The following MINK1 variants were observed in gnomAD, a reference collection of about 807,000 sequenced individuals.
MINK1 encodes the protein misshapen like kinase 1.
A neutral mutation model predicts 178.4 loss-of-function variants in MINK1; 46 were observed. The ratio of observed to expected loss-of-function variants is 0.26; its 90% CI spans 0.20 to 0.33. The LOEUF is 0.33. MINK1 is among the 10% of genes least tolerant of loss of function. The probability of loss-of-function intolerance (pLI) is 1.00; values close to 1 mark genes in which losing one functional copy is unlikely to be tolerated. For synonymous variants in MINK1, 797 were observed against 709.7 expected (o/e 1.12, Z -1.96); for missense variants, 1,366 against 1,814.9 (o/e 0.75, Z 4.49).
intron 12 of MINK1, 42 bp from the exon 13 acceptor site, chr17:4,889,604 GA>G: frequency 6.6e-7 from 1 of 1,504,726 alleles, no homozygotes; most frequent in African/African-American, 1.4e-5. Flanking sequence ...GTGCTGACGC[GA>G]TGTCCGGTAT....
In MINK1 at chr17:4,895,341, C is replaced by T. The variant is rs1250422006; in HGVS notation, c.3086-9C>T. On this transcript the variant is annotated splice_polypyrimidine_tract_variant and intron_variant, in intron 25 of 31. Coordinates refer to ENST00000355280, the MANE Select transcript of MINK1 (RefSeq NM_153827.5). The surrounding 1 kb of genome is among the most constrained non-coding windows in gnomAD (Gnocchi z 4.3). ...GAGCCTCTGACCTGCCCAAGGGCTC[C>T]TGTTGCAGGGGTCAACCTGCTGGTG... is the stretch of plus-strand genomic sequence containing the variant. The T allele has an allele frequency of 6.2e-7, 1 of 1,603,132 alleles. No individual in the cohort carries two copies. The highest frequency in any genetic ancestry group is 8.5e-7 in the Non-Finnish European group (1 of 1,173,392).
chr17:4,878,408 A>C, intron 2 of MINK1, 26 bp downstream of exon 2: 1 of 1,531,950 alleles, frequency 6.5e-7, no homozygotes, highest in Non-Finnish European at 8.8e-7. Flanking sequence ...TGGAAGTATG[A>C]CCTCCACATC....
At chr17:4,865,280 A>G (rs1914769960) in intron 1 of MINK1, among the ~76,000 whole-genome samples, 1 of 151,600 alleles carries the variant, frequency 6.6e-6, no homozygotes, top group African/African-American at 2.4e-5. Flanking sequence ...AAAACACACA[A>G]AAAATTAGCC....
At chr17:4,846,669 A>G (rs1911079160) in intron 1 of MINK1, among the ~76,000 whole-genome samples, 1 of 152,182 alleles carries the variant, frequency 6.6e-6, no homozygotes, top group Non-Finnish European at 1.5e-5. Context: ...TCTATGGGCC[A>G]TCTTATTATG....
rs1314375910 is a variant in MINK1 at position 4,886,590 on chromosome 17, C to T, written c.913C>T (p.His305Tyr). 2 of 1,607,800 alleles carry T rather than the reference C, an allele frequency of 1.2e-6. No individual in the cohort carries two copies. The highest frequency in any genetic ancestry group is 1.7e-6 in the Non-Finnish European group (2 of 1,176,892). Residue 305 changes from histidine (H) to tyrosine (Y), a missense_variant, in exon 10 of 32, where the codon CAC becomes TAC. By Grantham distance (83) the His-to-Tyr change is moderately conservative. Transcript: ENST00000355280. The surrounding 1 kb of genome is among the most constrained non-coding windows in gnomAD (Gnocchi z 6.1). Reference sequence around the variant, plus strand: ...GCAGGTCCGCATCCAGCTTAAGGACCACATTGACCGATCCCGGAAGAAGCG... The same window carrying T: ...GCAGGTCCGCATCCAGCTTAAGGACTACATTGACCGATCCCGGAAGAAGCG... ...ERQVRIQLKD[H>Y]IDRSRKKRGE... is the part of the protein sequence containing the mutation.
chr17:4,872,510 C>T (rs555121369), intron 1 of MINK1, among the ~76,000 whole-genome samples: 6 of 151,984 alleles, frequency 3.9e-5, no homozygotes, highest in African/African-American at 7.2e-5. Context: ...CAGTGGCTCA[C>T]GCCTGTAATC....
intron 1 of MINK1, chr17:4,854,787 G>T (rs373990044): frequency 2.0e-6 from 1 of 491,886 alleles, no homozygotes; most frequent in Non-Finnish European, 4.1e-6. Flanking sequence ...AGTACTTCAC[G>T]TTGTGGATTC....
intron 31 of MINK1, 81 bp from the exon 32 acceptor site, chr17:4,897,123 C>T (rs1969614026): frequency 1.6e-6 from 2 of 1,219,860 alleles, no homozygotes; most frequent in African/African-American, 1.5e-5. Flanking sequence ...TCTGCCACCC[C>T]TTCTTCCCTT....
Position 4,895,771 on chromosome 17 carries a change from G to A in MINK1, c.3303G>A (p.Val1101=), listed in dbSNP as rs749667395. ...RNKILHNDPE[V]EKKQGWTTVG... ...AGATTCTGCACAATGACCCAGAAGT[G>A]GAGAAGAAGCAGGGCTGGACCACCG... is the stretch of plus-strand genomic sequence containing the variant. The change falls in exon 27 of 32, where the codon GTG becomes GTA. Residue 1101 remains valine, a synonymous_variant. Transcript: ENST00000355280. The surrounding 1 kb of genome is among the most constrained non-coding windows in gnomAD (Gnocchi z 4.3). 1.9e-6 allele frequency: 3 copies of A among 1,613,848 alleles called. No homozygotes were observed. In the Admixed American group the frequency reaches 5.0e-5, roughly 27 times the overall value.
Position 4,897,560 on chromosome 17 carries a change from C to T in MINK1, c.*273C>T. ...TTCCCAGGAATTGAGTGGGCCTAGC[C>T]CCTCCCCCCTTTTCTCCATTTGAGA... On this transcript the variant is annotated 3_prime_UTR_variant, in exon 32 of 32. Transcript: ENST00000355280. The T allele has an allele frequency of 2.3e-6, 1 of 430,474 alleles. No homozygotes were observed. The highest frequency in any genetic ancestry group is 4.2e-6 in the Non-Finnish European group (1 of 238,352). The allele number at this position is 430,474 out of a possible 1,614,324, so 26.7% of individuals were successfully genotyped here.
intron 1 of MINK1, chr17:4,847,238 A>T (rs1225499224): frequency 2.2e-6 from 1 of 455,654 alleles, no homozygotes; most frequent in Non-Finnish European, 4.4e-6. Context: ...CAGTTCATTC[A>T]TTCATTCATT....
chr17:4,892,502 A>G lies in MINK1; in HGVS notation c.2188A>G (p.Asn730Asp). 6.4e-7 allele frequency: 1 copy of G among 1,561,282 alleles called. No individual in the cohort carries two copies. Among genetic ancestry groups the G allele is most frequent in the Non-Finnish European group, 8.7e-7 (1 of 1,152,612 alleles). Reference protein sequence around the residue: ...GPPAQPPGPPNASSNPDLRRS... With the variant: ...GPPAQPPGPPDASSNPDLRRS... ...CCCTGCTCAGCCCCCTGGCCCGCCC[A>G]ACGCCTCTAGGTAATAGAGTTGTCC... The change falls in exon 18 of 32, where the codon AAC (asparagine) becomes GAC (aspartate). Residue 730 changes from asparagine to aspartate, a missense_variant. Physicochemically the swap from Asn to Asp is conservative, Grantham distance 23. Transcript: ENST00000355280.
intron 1 of MINK1, among the ~76,000 whole-genome samples, chr17:4,866,180 T>C (rs992154165): frequency 3.3e-5 from 5 of 151,712 alleles, no homozygotes; most frequent in Non-Finnish European, 5.9e-5. Context: ...AGTTAGAAAG[T>C]TTTTGGGCCA....
At chr17:4,869,703 A>G (rs1389732947) in intron 1 of MINK1, among the ~76,000 whole-genome samples, 2 of 150,466 alleles carry the variant, frequency 1.3e-5, no homozygotes, top group African/African-American at 2.4e-5. Flanking sequence ...GATTCCCACC[A>G]AAAGTGTATA....
At chr17:4,866,851 A>G (rs1915060389) in intron 1 of MINK1, among the ~76,000 whole-genome samples, 1 of 151,984 alleles carries the variant, frequency 6.6e-6, no homozygotes, top group South Asian at 2.1e-4. Flanking sequence ...AGGCAGGCGG[A>G]TCACGAGGTC....
rs369578340 is a variant in MINK1 at position 4,892,532 on chromosome 17, A to G, written c.2198+20A>G. ...CTCTAGGTAATAGAGTTGTCCCCCA[A>G]CTCACTCTCACCTCTCACTTCTGCC... On this transcript the variant is annotated intron_variant, in intron 18 of 31. Coordinates refer to ENST00000355280, the MANE Select transcript of MINK1 (RefSeq NM_153827.5). 5.9e-5 allele frequency: 91 copies of G among 1,536,064 alleles called. No homozygotes were observed. The highest frequency in any genetic ancestry group is 4.7e-4 in the African/African-American group (34 of 72,796).
intron 2 of MINK1, among the ~76,000 whole-genome samples, chr17:4,879,255 G>A (rs915265099): frequency 6.6e-6 from 1 of 152,180 alleles, no homozygotes; most frequent in South Asian, 2.1e-4. Flanking sequence ...CACTTGGATG[G>A]GGGGAGCTGC....
At chr17:4,856,460 C>T (rs942436419) in intron 1 of MINK1, among the ~76,000 whole-genome samples, 8 of 152,006 alleles carry the variant, frequency 5.3e-5, no homozygotes, top group South Asian at 2.1e-4. Flanking sequence ...TTCCCTCCCC[C>T]GACATCTGAG....
At chr17:4,851,993 C>G (rs1352630366) in intron 1 of MINK1, among the ~76,000 whole-genome samples, 4 of 79,614 alleles carry the variant, frequency 5.0e-5, no homozygotes, top group Non-Finnish European at 4.3e-5. Context: ...GAGTGAGACT[C>G]TGTCTCAAAA....
Sources: allele counts gnomAD v4.1 joint callset (sites outside exome capture counted in the v4.1 genomes callset), GRCh38; gene constraint gnomAD v4.1.1; non-coding constraint Gnocchi (gnomAD v3.1); transcripts MANE v1.5; gene names NCBI Gene and HGNC (gene_info 2026-07-23, HGNC 2026-07-21).